OPTN: variants seen among roughly 807,000 people sequenced by gnomAD.
OPTN encodes the protein E3-14.7K-interacting protein.
Under a neutral mutation model 70.4 loss-of-function variants are expected in OPTN, and 54 were observed. That is an observed-to-expected ratio of 0.77 (90% CI 0.62 to 0.96). The LOEUF is 0.96. Among genes scored for constraint, OPTN ranks in the 40% least tolerant of loss-of-function variants. OPTN has a pLI of 0.00. For synonymous variants in OPTN, 256 were observed against 248.5 expected, an observed-to-expected ratio of 1.03 and a Z score of -0.28; for missense variants, 624 against 673.2, an observed-to-expected ratio of 0.93 and a Z score of 0.81.
intron 1 of OPTN, chr10:13,104,605 G>GT: frequency 1.5e-6 from 1 of 670,920 alleles, no homozygotes; most frequent in East Asian, 3.3e-5. Flanking sequence ...TGAGGATACT[G>GT]TTTCCTCGTA....
intron 9 of OPTN, 151 bp downstream of exon 9, chr10:13,124,261 C>T: frequency 3.4e-6 from 2 of 587,202 alleles, no homozygotes; most frequent in Non-Finnish European, 6.0e-6. Flanking sequence ...ACTAATGTTC[C>T]AGTTAATGTG....
chr10:13,127,862 C>G lies in OPTN; in HGVS notation c.1360C>G (p.Gln454Glu), dbSNP rs1564366476. Residue 454 changes from glutamine (Q) to glutamate (E), a missense_variant, in exon 12 of 15, where the codon CAG becomes GAG. Gln to Glu is a conservative substitution (Grantham distance 29, BLOSUM62 2). Coordinates refer to ENST00000378747, the MANE Select transcript of OPTN (RefSeq NM_001008212.2). ...MDEMKQTIAK[Q>E]EEDLETMTIL... ...TGAAATGAAGCAAACCATTGCCAAG[C>G]AGGAAGAGGACCTGGAAACCATGAC... is the stretch of plus-strand genomic sequence containing the variant. 6.2e-7 allele frequency: 1 copy of G among 1,614,068 alleles called. No individual in the cohort carries two copies. Among genetic ancestry groups the G allele is most frequent in the Non-Finnish European group, 8.5e-7 (1 of 1,180,016 alleles).
chr10:13,112,081 CT>C (rs1300745986), intron 4 of OPTN, among the ~76,000 whole-genome samples: 6 of 150,890 alleles, frequency 4.0e-5, no homozygotes, highest in South Asian at 2.1e-4. Context: ...ATCTCCTGAC[CT>C]TCATGATCCG....
At chr10:13,126,116 A>G in intron 11 of OPTN, 77 bp downstream of exon 11, 1 of 855,984 alleles carries the variant, frequency 1.2e-6, no homozygotes, top group Non-Finnish European at 1.9e-6. Flanking sequence ...TAAAATAGTT[A>G]CATGAATCCT....
chr10:13,118,467 A>C (rs1456936767), intron 6 of OPTN, among the ~76,000 whole-genome samples: 1 of 152,234 alleles, frequency 6.6e-6, no homozygotes, highest in Admixed American at 6.5e-5. Flanking sequence ...GTCTCTGTTA[A>C]CTTGGAGAAA....
At chr10:13,105,022 A>C (rs76647957) in intron 1 of OPTN, among the ~76,000 whole-genome samples, 31,224 of 151,588 alleles carry the variant, frequency 0.21, 3,927 homozygotes, top group Middle Eastern at 0.35. Flanking sequence ...CTGATCTCAA[A>C]CTCCTGGCCT....
chr10:13,114,796 A>ATATAATTC (rs1218973360), intron 5 of OPTN, among the ~76,000 whole-genome samples: 1 of 86,932 alleles, frequency 1.2e-5, no homozygotes, highest in Non-Finnish European at 2.1e-5. Flanking sequence ...TTATATAATT[A>ATATAATTC]TATATACATA....
intron 2 of OPTN, 35 bp from the exon 3 acceptor site, chr10:13,109,077 G>T: frequency 1.2e-6 from 2 of 1,604,904 alleles, no homozygotes; most frequent in South Asian, 1.1e-5. Context: ...TGGGGCGGGG[G>T]ACAGCTCTAT....
At chr10:13,112,009 A>G (rs573560543) in intron 4 of OPTN, among the ~76,000 whole-genome samples, 6 of 150,898 alleles carry the variant, frequency 4.0e-5, no homozygotes, top group South Asian at 2.1e-4. Flanking sequence ...CACCACGCCC[A>G]GCTAATCTTT....
In OPTN at chr10:13,133,526, T is replaced by TC; in HGVS notation, c.1558dup (p.Arg520ProfsTer8). The TC allele has an allele frequency of 1.2e-6, 2 of 1,613,958 alleles. No individual in the cohort carries two copies. Among genetic ancestry groups the TC allele is most frequent in the Non-Finnish European group, 1.7e-6 (2 of 1,179,982 alleles). ...GGCAGTCCTTGATGGAGATGCAGAGTCGTCATGGGGCGAGAACAAGTGACT... is the reference window on the plus strand; with the variant it reads ...GGCAGTCCTTGATGGAGATGCAGAGTCCGTCATGGGGCGAGAACAAGTGACT... On this transcript the variant is annotated frameshift_variant, in exon 14 of 15. Transcript: ENST00000378747. LOFTEE classifies it high-confidence loss of function.
chr10:13,117,305 C>A (rs1833236275), intron 6 of OPTN, among the ~76,000 whole-genome samples: 1 of 151,824 alleles, frequency 6.6e-6, no homozygotes, highest in African/African-American at 2.4e-5. Context: ...TGGTCTCGAT[C>A]TCCTGACCTC....
In OPTN at chr10:13,132,286, T is replaced by C. The variant is rs897208330; in HGVS notation, c.1532+89T>C. ...CCAAAGACGTTCCTGATTTGAACTA[T>C]AAGAATAGCTGTGTTCGCGCCACTG... On this transcript the variant is annotated intron_variant, in intron 13 of 14. Coordinates refer to ENST00000378747, the MANE Select transcript of OPTN (RefSeq NM_001008212.2). 6 of 1,499,788 alleles carry C rather than the reference T, an allele frequency of 4.0e-6. 1 individual carries two copies. The highest frequency in any genetic ancestry group is 5.5e-6 in the Non-Finnish European group (6 of 1,088,374). The allele number at this position is 1,499,788 out of a possible 1,614,324, so 92.9% of individuals were successfully genotyped here.
At chr10:13,111,756 G>T (rs1402257189) in intron 4 of OPTN, among the ~76,000 whole-genome samples, 1 of 151,788 alleles carries the variant, frequency 6.6e-6, no homozygotes, top group Non-Finnish European at 1.5e-5. Context: ...AGGCATAAAG[G>T]TGTTGAGAAA....
At chr10:13,125,661 A>T (rs906100162) in intron 10 of OPTN, 94 bp downstream of exon 10, 7 of 1,513,490 alleles carry the variant, frequency 4.6e-6, no homozygotes, top group Admixed American at 3.6e-5. Flanking sequence ...AATAAATTTT[A>T]AAAAATTTCT....
intron 1 of OPTN, among the ~76,000 whole-genome samples, chr10:13,106,324 A>G (rs1467930261): frequency 1.3e-5 from 2 of 152,214 alleles, no homozygotes; most frequent in Admixed American, 1.3e-4. Context: ...TTTTACAGAA[A>G]ATTAGAAACT....
Position 13,136,802 on chromosome 10 carries a change from A to G in OPTN, c.1670A>G (p.Lys557Arg), listed in dbSNP as rs1357375850. 2 of 1,614,204 alleles carry G rather than the reference A, an allele frequency of 1.2e-6. No homozygotes were observed. Among genetic ancestry groups the G allele is most frequent in the Non-Finnish European group, 1.7e-6 (2 of 1,180,034 alleles). Reference protein sequence around the residue: ...QRNIPIHSCPKCGEVLPDIDT... With the variant: ...QRNIPIHSCPRCGEVLPDIDT... Reference sequence around the variant, plus strand: ...AATATTCCGATTCATTCCTGCCCCAAGTGTGGAGAGGTTCTGCCTGACATA... The same window carrying G: ...AATATTCCGATTCATTCCTGCCCCAGGTGTGGAGAGGTTCTGCCTGACATA... The change falls in exon 15 of 15, where the codon AAG becomes AGG. Residue 557 changes from lysine (K) to arginine (R), a missense_variant. Transcript: ENST00000378747.
At chr10:13,130,879 T>C (rs1331883442) in intron 12 of OPTN, among the ~76,000 whole-genome samples, 3 of 152,146 alleles carry the variant, frequency 2.0e-5, no homozygotes, top group African/African-American at 7.2e-5. Context: ...AGTGTTTTGT[T>C]ATTTATAATT....
intron 1 of OPTN, among the ~76,000 whole-genome samples, chr10:13,100,942 G>C (rs1444381193): frequency 6.6e-6 from 1 of 152,208 alleles, no homozygotes; most frequent in Non-Finnish European, 1.5e-5. Flanking sequence ...TGTACACCAA[G>C]GAACTGTTTG....
chr10:13,106,843 C>A (rs1049761118), intron 1 of OPTN, among the ~76,000 whole-genome samples: 2 of 152,330 alleles, frequency 1.3e-5, no homozygotes, highest in Admixed American at 1.3e-4. Context: ...TCTCTATCTT[C>A]CAGGGACTGA....
Sources: gnomAD v4.1 joint callset for allele counts (sites outside exome capture counted in the v4.1 genomes callset) on GRCh38, gnomAD v4.1.1 for gene constraint, MANE v1.5 for transcripts, NCBI Gene and HGNC (gene_info 2026-07-23, HGNC 2026-07-21) for gene names.